Variants in ADGRL3 observed in about 807,000 individuals in gnomAD.
ADGRL3 encodes adhesion G protein-coupled receptor L3, also known as calcium-independent alpha-latrotoxin receptor 3.
A neutral mutation model predicts 153.5 loss-of-function variants in ADGRL3; 62 were observed. The observed-to-expected ratio is 0.40, with a 90% CI of 0.33 to 0.50. The LOEUF (loss-of-function observed/expected upper bound fraction) is 0.50. Ranked by LOEUF, ADGRL3 falls within the 20% of genes least tolerant of loss-of-function variation. The pLI, the probability that ADGRL3 is intolerant of heterozygous loss-of-function variation, is 0.47. For synonymous variants in ADGRL3, 710 were observed against 672.5 expected (o/e 1.06, Z -0.86); for missense variants, 1,641 against 1,859.4 (o/e 0.88, Z 2.16).
At chr4:61,822,380 C>T (rs1487523836) in intron 9 of ADGRL3, among the ~76,000 whole-genome samples, 1 of 152,042 alleles carries the variant, frequency 6.6e-6, no homozygotes, top group Non-Finnish European at 1.5e-5. Flanking sequence ...CACATTGTCT[C>T]AATTAGTCTC....
chr4:61,284,975 A>G (rs1191064732), intron 1 of ADGRL3, among the ~76,000 whole-genome samples: 1 of 151,668 alleles, frequency 6.6e-6, no homozygotes, highest in Non-Finnish European at 1.5e-5. Flanking sequence ...TTTGTTTAAA[A>G]TCGTTCTATA....
chr4:61,286,364 A>G (rs1022879929), intron 1 of ADGRL3, among the ~76,000 whole-genome samples: 1 of 151,198 alleles, frequency 6.6e-6, no homozygotes, highest in Non-Finnish European at 1.5e-5. Flanking sequence ...TTTTTCAGCA[A>G]TTAAGATTTT....
At chr4:62,047,719 G>A (rs1215471431) in intron 25 of ADGRL3, among the ~76,000 whole-genome samples, 1 of 151,868 alleles carries the variant, frequency 6.6e-6, no homozygotes, top group African/African-American at 2.4e-5. Context: ...ATTGTACTTC[G>A]CATATCTATA....
intron 1 of ADGRL3, among the ~76,000 whole-genome samples, chr4:61,360,762 A>G (rs1023302378): frequency 1.3e-5 from 2 of 152,162 alleles, no homozygotes; most frequent in Admixed American, 1.3e-4. Flanking sequence ...CATATACCAC[A>G]TACTAGAAAT....
intron 4 of ADGRL3, among the ~76,000 whole-genome samples, chr4:61,559,234 T>C (rs1239930546): frequency 1.3e-5 from 2 of 152,112 alleles, no homozygotes; most frequent in South Asian, 2.1e-4. Context: ...ACCCAAACCA[T>C]TGACATCTTC....
intron 1 of ADGRL3, among the ~76,000 whole-genome samples, chr4:61,248,803 T>A (rs2149411659): frequency 6.6e-6 from 1 of 152,290 alleles, no homozygotes; most frequent in East Asian, 1.9e-4. Flanking sequence ...TAACCAGGCT[T>A]CTGGACTGAA....
chr4:61,935,052 C>T, intron 14 of ADGRL3, 29 bp downstream of exon 14: 1 of 1,593,630 alleles, frequency 6.3e-7, no homozygotes, highest in Admixed American at 1.7e-5. Context: ...TCAGAAGGTC[C>T]AGACACTCTT....
intron 2 of ADGRL3, among the ~76,000 whole-genome samples, chr4:61,422,331 G>GT (rs908082651): frequency 3.9e-5 from 6 of 152,022 alleles, no homozygotes; most frequent in Admixed American, 2.6e-4. Context: ...TTAAATATTT[G>GT]TTTTTTTCTA....
rs1434648548 is a variant in ADGRL3, at chr4:61,856,598, CTCTCTCTTTTTTTTTTTT to C, written c.1481-36056_1481-36039del. Reference sequence around the variant, plus strand: ...CTCTCTCTCTTTTTTCTCTCTCTCTCTCTCTCTTTTTTTTTTTTTTTTTTTTTTTTTTTTTGCGATGGA... The same window carrying C: ...CTCTCTCTCTTTTTTCTCTCTCTCTCTTTTTTTTTTTTTTTTTGCGATGGA... On this transcript the variant is annotated intron_variant, in intron 9 of 26. Transcript: ENST00000683033. 1.1e-4 allele frequency among the ~76,000 whole-genome samples: 6 copies of C among 56,944 alleles called. 1 individual carries two copies. The highest frequency in any genetic ancestry group is 7.8e-4 in the Admixed American group (4 of 5,156). The allele number at this position is 56,944 out of a possible 152,430, so 37.4% of individuals were successfully genotyped here.
intron 9 of ADGRL3, among the ~76,000 whole-genome samples, chr4:61,856,964 CTT>C (rs1407828996): frequency 5.6e-4 from 44 of 79,194 alleles, no homozygotes; most frequent in African/African-American, 2.0e-3. Context: ...TTCTTTCTTT[CTT>C]TCTTTCTTTC....
intron 24 of ADGRL3, among the ~76,000 whole-genome samples, chr4:62,041,929 G>C (rs1299233334): frequency 1.3e-5 from 2 of 151,996 alleles, no homozygotes; most frequent in Non-Finnish European, 2.9e-5. Flanking sequence ...TTCCAATGCT[G>C]GTTATAAGGT....
At chr4:61,688,998 T>C (rs1038286657) in intron 6 of ADGRL3, among the ~76,000 whole-genome samples, 4 of 152,190 alleles carry the variant, frequency 2.6e-5, no homozygotes, top group Non-Finnish European at 4.4e-5. Flanking sequence ...TCTCACTCTG[T>C]GGCCCAGGCT....
intron 25 of ADGRL3, among the ~76,000 whole-genome samples, chr4:62,051,851 C>G (rs1486754103): frequency 6.6e-6 from 1 of 151,692 alleles, no homozygotes; most frequent in African/African-American, 2.4e-5. Context: ...TTCCACTTAG[C>G]TCTAAAATAT....
intron 8 of ADGRL3, among the ~76,000 whole-genome samples, chr4:61,798,773 A>G (rs984660914): frequency 4.6e-5 from 7 of 151,046 alleles, no homozygotes; most frequent in African/African-American, 1.7e-4. Flanking sequence ...ACATGCCACT[A>G]TACACAGCTA....
chr4:61,444,163 G>A (rs545261236), intron 2 of ADGRL3, among the ~76,000 whole-genome samples: 1 of 152,110 alleles, frequency 6.6e-6, no homozygotes, highest in Admixed American at 6.6e-5. Flanking sequence ...ATTTATGAAG[G>A]CATGTTTGTG....
Position 61,955,682 on chromosome 4 carries a change from C to A in ADGRL3, c.2805+7406C>A, listed in dbSNP as rs184735766. ...TTGACCTGTCATCTAAGTTCCCTTC[C>A]CTCACCCCCCAATCCCACAACAGGG... On this transcript the variant is annotated intron_variant, in intron 17 of 26. Coordinates refer to ENST00000683033, the MANE Select transcript of ADGRL3 (RefSeq NM_001387552.1). Among the ~76,000 whole-genome samples, 1,050 of 152,180 alleles carry A rather than the reference C, an allele frequency of 6.9e-3. 13 individuals carry two copies. Among genetic ancestry groups the A allele is most frequent in the Non-Finnish European group, 8.4e-3 (571 of 68,006 alleles).
At chr4:61,923,437 C>G (rs904767551) in intron 13 of ADGRL3, among the ~76,000 whole-genome samples, 14 of 149,934 alleles carry the variant, frequency 9.3e-5, no homozygotes, top group African/African-American at 3.6e-4. Context: ...CTCTCTTTTG[C>G]CCTTATAGAA....
chr4:62,064,381 G>T (rs1026478875), intron 25 of ADGRL3, among the ~76,000 whole-genome samples: 1 of 150,126 alleles, frequency 6.7e-6, no homozygotes, highest in Non-Finnish European at 1.5e-5. Flanking sequence ...CACTTACAAT[G>T]TAAGCATTCG....
intron 1 of ADGRL3, among the ~76,000 whole-genome samples, chr4:61,218,958 T>C (rs1349417453): frequency 1.3e-5 from 2 of 152,134 alleles, no homozygotes; most frequent in Non-Finnish European, 2.9e-5. Context: ...GATTTTCATT[T>C]TAAAAATATT....
Sources: gnomAD v4.1 joint callset for allele counts (sites outside exome capture counted in the v4.1 genomes callset) on GRCh38, gnomAD v4.1.1 for gene constraint, MANE v1.5 for transcripts, NCBI Gene and HGNC (gene_info 2026-07-23, HGNC 2026-07-21) for gene names.